The following RUSC2 variants were observed in gnomAD, a reference collection of about 807,000 sequenced individuals.
The protein encoded by RUSC2 is RUN and SH3 domain containing 2.
In RUSC2, 34 loss-of-function variants were observed where a neutral mutation model predicts 122.2. That is an observed-to-expected ratio of 0.28 (90% CI 0.21 to 0.37). The LOEUF (loss-of-function observed/expected upper bound fraction) is 0.37, where lower values mean the gene tolerates loss of function less well. Among genes scored for constraint, RUSC2 ranks in the 10% least tolerant of loss-of-function variants. The pLI is 1.00. For synonymous variants in RUSC2, 784 were observed against 790.0 expected (o/e 0.99, Z 0.13); for missense variants, 1,747 against 1,952.4 (o/e 0.89, Z 1.98).
intron 1 of RUSC2, among the ~76,000 whole-genome samples, chr9:35,521,808 T>TG (rs1157431021): frequency 6.6e-6 from 1 of 152,236 alleles, no homozygotes; most frequent in East Asian, 1.9e-4. Context: ...TGGCCTCACT[T>TG]GGAGTCCAAA....
intron 1 of RUSC2, among the ~76,000 whole-genome samples, chr9:35,530,616 A>C (rs986256967): frequency 4.0e-5 from 6 of 151,836 alleles, no homozygotes; most frequent in Admixed American, 3.9e-4. Context: ...GTAGAAAGGA[A>C]TTTTGGGGGT....
In RUSC2 at chr9:35,555,119, C is replaced by T; in HGVS notation, c.2074C>T (p.Leu692=). 16 of 1,613,916 alleles carry T rather than the reference C, an allele frequency of 9.9e-6. No individual in the cohort carries two copies. The highest frequency in any genetic ancestry group is 1.4e-5 in the Non-Finnish European group (16 of 1,180,030). The change falls in exon 3 of 12, where the codon CTG becomes TTG. Residue 692 remains leucine, a synonymous_variant. Transcript: ENST00000361226. The surrounding 1 kb of genome is among the most constrained non-coding windows in gnomAD (Gnocchi z 4.6). ...CAGCAAGGAACAGAGGCCAACCACA[C>T]TGCCCATCCAGCCCTTCGTGTTCCA... ...RYSKEQRPTT[L]PIQPFVFQHH...
In RUSC2 at chr9:35,547,981, C is replaced by G; in HGVS notation, c.1460C>G (p.Pro487Arg). 3 of 1,614,156 alleles carry G rather than the reference C, an allele frequency of 1.9e-6. No individual in the cohort carries two copies. Among genetic ancestry groups the G allele is most frequent in the Non-Finnish European group, 2.5e-6 (3 of 1,180,034 alleles). ...CAAGTATACACGAATACTTCACCCC[C>G]CAACCTCAGCACTGGACGTCAGCGC... ...EGQVYTNTSP[P>R]NLSTGRQRSR... Residue 487 changes from proline to arginine, a missense_variant, in exon 2 of 12, where the codon CCC becomes CGC. Coordinates refer to ENST00000361226, the MANE Select transcript of RUSC2 (RefSeq NM_014806.5). This position sits in a 1 kb window ranked among gnomAD's most constrained non-coding sequence, Gnocchi z 4.6.
At chr9:35,495,075 A>ATACTATAGTATATAT (rs1820664616) in intron 1 of RUSC2, among the ~76,000 whole-genome samples, 1 of 4,918 alleles carries the variant, frequency 2.0e-4, no homozygotes, top group Non-Finnish European at 4.6e-4. Flanking sequence ...TATATATTAT[A>ATACTATAGTATATAT]TATAGTATAT....
intron 1 of RUSC2, among the ~76,000 whole-genome samples, chr9:35,501,873 A>G (rs1345321741): frequency 6.6e-6 from 1 of 152,100 alleles, no homozygotes; most frequent in Non-Finnish European, 1.5e-5. Flanking sequence ...AGTTTTTTTA[A>G]TCCACTCTAG....
At position 35,548,488 on chromosome 9, in the gene RUSC2, G is replaced by T. The variant is rs147102296; in HGVS notation, c.1967G>T (p.Ser656Ile). ...LMDPGPALPG[S>I]PANSHTQRDA... The stretch of plus-strand genomic sequence containing the variant: ...GATCCAGGGCCTGCTCTCCCAGGGA[G>T]CCCAGCCAACAGCCATACCCAGAGG... Residue 656 changes from serine (S) to isoleucine (I), a missense_variant, in exon 2 of 12, where the codon AGC becomes ATC. Ser to Ile is a moderately radical substitution (Grantham distance 142). Coordinates refer to ENST00000361226, the MANE Select transcript of RUSC2 (RefSeq NM_014806.5). This position sits in a 1 kb window ranked among gnomAD's most constrained non-coding sequence, Gnocchi z 4.5. 4.5e-5 allele frequency: 73 copies of T among 1,613,550 alleles called. No individual in the cohort carries two copies. Among genetic ancestry groups the T allele is most frequent in the Non-Finnish European group, 6.0e-5 (71 of 1,179,998 alleles).
chr9:35,559,977 G>A, intron 9 of RUSC2, 52 bp from the exon 10 acceptor site: 1 of 1,467,594 alleles, frequency 6.8e-7, no homozygotes, highest in Non-Finnish European at 9.2e-7. Context: ...AGTCCCACTT[G>A]GGCCAGGCTC....
At position 35,556,131 on chromosome 9, in the gene RUSC2, C is replaced by T. The variant is rs1822012853; in HGVS notation, c.2836C>T (p.Leu946=). ...LSAASHLNCR[L]NGQAVKPLPL... is the part of the protein sequence containing the mutation. ...TGCTGCCAGCCATCTGAACTGCCGG[C>T]TGAATGGTGTGTGAGCAGGGTCCCC... Residue 946 remains leucine (L), a synonymous_variant, in exon 4 of 12, where the codon CTG becomes TTG. Transcript: ENST00000361226. The T allele has an allele frequency of 1.9e-6, 3 of 1,613,898 alleles. No individual in the cohort carries two copies. Among genetic ancestry groups the T allele is most frequent in the African/African-American group, 1.3e-5 (1 of 74,928 alleles).
In RUSC2 at chr9:35,560,273, C is replaced by T. The variant is rs779141837; in HGVS notation, c.3633C>T (p.Ala1211=). The change falls in exon 10 of 12, where the codon GCC becomes GCT. Residue 1211 remains alanine (A), a synonymous_variant. Coordinates refer to ENST00000361226, the MANE Select transcript of RUSC2 (RefSeq NM_014806.5). The part of the protein sequence containing the change: ...SAHSTLQLAR[A]RGQEGPGDVD... ...ACTCCACGCTGCAGCTGGCCCGGGC[C>T]CGGGGCCAGGAGGGCCCTGGAGACG... 4 of 1,590,594 alleles carry T rather than the reference C, an allele frequency of 2.5e-6. No individual in the cohort carries two copies.
chr9:35,546,784 G>T lies in RUSC2; in HGVS notation c.263G>T (p.Ser88Ile). The change falls in exon 2 of 12, where the codon AGT becomes ATT. Residue 88 changes from serine to isoleucine, a missense_variant. Ser to Ile is a moderately radical substitution (Grantham distance 142, BLOSUM62 -2). Transcript: ENST00000361226. This position sits in a 1 kb window ranked among gnomAD's most constrained non-coding sequence, Gnocchi z 4.3. ...ARSIDSTKSR[S>I]RDGRGPGAPK... is the part of the protein sequence containing the mutation. ...TCTATAGACAGCACCAAGAGTAGGA[G>T]TCGGGATGGAAGAGGCCCTGGAGCC... The T allele has an allele frequency of 6.2e-7, 1 of 1,608,614 alleles. No individual in the cohort carries two copies. The highest frequency in any genetic ancestry group is 2.2e-5 in the East Asian group (1 of 44,872).
chr9:35,497,915 C>T (rs2132490077), intron 1 of RUSC2, among the ~76,000 whole-genome samples: 1 of 152,268 alleles, frequency 6.6e-6, no homozygotes, highest in South Asian at 2.1e-4. Context: ...TTTGTTGTAA[C>T]TGCCATAGGA....
intron 1 of RUSC2, among the ~76,000 whole-genome samples, chr9:35,527,849 G>T (rs954206102): frequency 6.6e-6 from 1 of 152,214 alleles, no homozygotes; most frequent in African/African-American, 2.4e-5. Flanking sequence ...GGATCATGAT[G>T]AACTTCCTTC....
Position 35,560,830 on chromosome 9 carries a change from G to C in RUSC2, c.4190G>C (p.Arg1397Pro), listed in dbSNP as rs371277403. 2.2e-5 allele frequency: 34 copies of C among 1,531,342 alleles called. No individual in the cohort carries two copies. Among genetic ancestry groups the C allele is most frequent in the Non-Finnish European group, 1.8e-6 (2 of 1,141,518 alleles). The allele number at this position is 1,531,342 out of a possible 1,614,324, so 94.9% of individuals were successfully genotyped here. The part of the protein sequence containing the change: ...GHLFGSRKAQ[R>P]EARPTNRLPS... Reference sequence around the variant, plus strand: ...CTCTTTGGCTCCCGAAAAGCCCAGCGGGAGGCCCGGCCCACAAATAGGTGA... The same window carrying C: ...CTCTTTGGCTCCCGAAAAGCCCAGCCGGAGGCCCGGCCCACAAATAGGTGA... The change falls in exon 10 of 12, where the codon CGG becomes CCG. Residue 1397 changes from arginine (R) to proline (P), a missense_variant. Physicochemically the swap from Arg to Pro is moderately radical, Grantham distance 103. Transcript: ENST00000361226.
intron 1 of RUSC2, among the ~76,000 whole-genome samples, chr9:35,545,127 T>C (rs1397345790): frequency 6.6e-6 from 1 of 152,212 alleles, no homozygotes; most frequent in African/African-American, 2.4e-5. Flanking sequence ...TCCTTGAGCA[T>C]ATGTGACTTG....
At chr9:35,544,678 T>G (rs1821712022) in intron 1 of RUSC2, among the ~76,000 whole-genome samples, 1 of 152,194 alleles carries the variant, frequency 6.6e-6, no homozygotes, top group Non-Finnish European at 1.5e-5. Flanking sequence ...ATCAGGTATA[T>G]GATTTGCAAA....
At position 35,555,699 on chromosome 9, in the gene RUSC2, A is replaced by C. The variant is rs1417437919; in HGVS notation, c.2654A>C (p.Asn885Thr). 1 of 1,585,424 alleles carries C rather than the reference A, an allele frequency of 6.3e-7. No homozygotes were observed. Among genetic ancestry groups the C allele is most frequent in the East Asian group, 2.2e-5 (1 of 44,832 alleles). The change falls in exon 3 of 12, where the codon AAT becomes ACT. Residue 885 changes from asparagine (N) to threonine (T), a missense_variant and splice_region_variant. Physicochemically the swap from Asn to Thr is moderately conservative, Grantham distance 65. Transcript: ENST00000361226. The surrounding 1 kb of genome is among the most constrained non-coding windows in gnomAD (Gnocchi z 4.6). ...GGCAGCATGGCCACCAGGCCCAGTA[A>C]TGGTACGAGCTCCAGCATCTCCCTA... ...GEGSMATRPS[N>T]ANHLSPQALK... is the part of the protein sequence containing the mutation.
At chr9:35,496,923 C>T (rs1820728226) in intron 1 of RUSC2, among the ~76,000 whole-genome samples, 1 of 152,180 alleles carries the variant, frequency 6.6e-6, no homozygotes, top group South Asian at 2.1e-4. Flanking sequence ...GTCTTTATTG[C>T]TCATCTTCCC....
intron 1 of RUSC2, among the ~76,000 whole-genome samples, chr9:35,535,716 AT>A (rs1321900338): frequency 6.6e-6 from 1 of 150,604 alleles, no homozygotes; most frequent in Non-Finnish European, 1.5e-5. Context: ...TTTTTTTTGT[AT>A]TTTTAGTAGA....
intron 1 of RUSC2, among the ~76,000 whole-genome samples, chr9:35,508,388 C>T (rs1820954736): frequency 1.3e-5 from 2 of 152,208 alleles, no homozygotes; most frequent in South Asian, 2.1e-4. Flanking sequence ...TGAATGTGAA[C>T]ATATCTCAGT....
Sources: allele counts gnomAD v4.1 joint callset (sites outside exome capture counted in the v4.1 genomes callset), GRCh38; gene constraint gnomAD v4.1.1; non-coding constraint Gnocchi (gnomAD v3.1); transcripts MANE v1.5; gene names NCBI Gene and HGNC (gene_info 2026-07-23, HGNC 2026-07-21).